AUTS2: variants seen among roughly 807,000 people sequenced by gnomAD.
AUTS2 encodes the protein activator of transcription and developmental regulator AUTS2, also known as autism susceptibility gene 2 protein.
In AUTS2, 17 loss-of-function variants were observed where a neutral mutation model predicts 112.4. The ratio of observed to expected loss-of-function variants is 0.15; its 90% CI spans 0.10 to 0.23. The LOEUF (loss-of-function observed/expected upper bound fraction) is 0.23, where lower values mean the gene tolerates loss of function less well. Among genes scored for constraint, AUTS2 ranks in the 10% least tolerant of loss-of-function variants. The pLI is 1.00. For missense variants in AUTS2, 1,510 were observed against 1,701.6 expected (o/e 0.89, Z 1.98); for synonymous variants, 751 against 702.7 (o/e 1.07, Z -1.09).
rs966854085 is a variant in AUTS2, at chr7:69,916,989, A to G, written c.522+17491A>G. The stretch of plus-strand genomic sequence containing the variant: ...TTATAGGTTAATTTCAACTTTCTTT[A>G]TATGGTATAGAAGCCCACACATTTT... On this transcript the variant is annotated intron_variant, in intron 2 of 18. Coordinates refer to ENST00000342771, the MANE Select transcript of AUTS2 (RefSeq NM_015570.4). Among the ~76,000 whole-genome samples, 7 of 152,122 alleles carry G rather than the reference A, an allele frequency of 4.6e-5. No homozygotes were observed. The East Asian group carries it at 9.6e-4, about 21-fold the overall frequency.
intron 4 of AUTS2, among the ~76,000 whole-genome samples, chr7:70,244,848 G>A (rs1274712651): frequency 7.2e-5 from 11 of 151,988 alleles, no homozygotes; most frequent in Admixed American, 6.6e-4. Flanking sequence ...GGCCGGGTGC[G>A]GCGGTTCACA....
intron 2 of AUTS2, among the ~76,000 whole-genome samples, chr7:70,111,747 G>A (rs975817877): frequency 6.6e-6 from 1 of 151,962 alleles, no homozygotes; most frequent in Non-Finnish European, 1.5e-5. Context: ...TTCATGTTCT[G>A]GAACAAATGT....
intron 4 of AUTS2, among the ~76,000 whole-genome samples, chr7:70,225,607 G>C (rs1190025014): frequency 6.6e-6 from 1 of 152,114 alleles, no homozygotes; most frequent in Non-Finnish European, 1.5e-5. Context: ...TTTAATCTCT[G>C]TACAGGGGTT....
intron 1 of AUTS2, among the ~76,000 whole-genome samples, chr7:69,708,434 A>C (rs1798162911): frequency 1.3e-5 from 2 of 152,184 alleles, no homozygotes; most frequent in African/African-American, 2.4e-5. Flanking sequence ...TTAGCAACCA[A>C]ACATCATTTC....
At chr7:70,503,561 C>G (rs1798849768) in intron 5 of AUTS2, among the ~76,000 whole-genome samples, 1 of 144,776 alleles carries the variant, frequency 6.9e-6, no homozygotes, top group African/African-American at 2.6e-5. Flanking sequence ...CTCTGTTGTC[C>G]AGGCTGGAGT....
At chr7:70,737,120 C>T (rs1032518956) in intron 6 of AUTS2, among the ~76,000 whole-genome samples, 4 of 152,114 alleles carry the variant, frequency 2.6e-5, no homozygotes, top group African/African-American at 9.7e-5. Flanking sequence ...TGGTGGAGAC[C>T]CTGATAAGCA....
chr7:70,221,671 G>A (rs1811494405), intron 4 of AUTS2, among the ~76,000 whole-genome samples: 1 of 152,248 alleles, frequency 6.6e-6, no homozygotes, highest in African/African-American at 2.4e-5. Flanking sequence ...CAGATCACCT[G>A]AGGTCAGGAG....
At chr7:69,816,498 G>A (rs1325317091) in intron 1 of AUTS2, among the ~76,000 whole-genome samples, 1 of 152,096 alleles carries the variant, frequency 6.6e-6, no homozygotes, top group Non-Finnish European at 1.5e-5. Flanking sequence ...TAAGCTCTTC[G>A]GCCCCGTGCA....
At chr7:70,054,925 T>C (rs1231967176) in intron 2 of AUTS2, among the ~76,000 whole-genome samples, 2 of 152,116 alleles carry the variant, frequency 1.3e-5, no homozygotes, top group Non-Finnish European at 2.9e-5. Flanking sequence ...TCCTCCTCCT[T>C]ATCTCTTCCC....
At chr7:70,633,203 C>T (rs1023385395) in intron 5 of AUTS2, among the ~76,000 whole-genome samples, 1 of 152,084 alleles carries the variant, frequency 6.6e-6, no homozygotes, top group Non-Finnish European at 1.5e-5. Flanking sequence ...GAGCGAGGGT[C>T]CCCCCACCTC....
intron 6 of AUTS2, among the ~76,000 whole-genome samples, chr7:70,712,193 CTTTTTTTTTTTTTTTTTTTTT>C (rs67326941): frequency 1.8e-4 from 8 of 45,182 alleles, no homozygotes; most frequent in East Asian, 8.2e-4. Context: ...GCCTGGCTCA[CTTTTTTTTTTTTTTTTTTTTT>C]TTTTTTTTTT....
intron 4 of AUTS2, among the ~76,000 whole-genome samples, chr7:70,429,604 G>T (rs1456037941): frequency 1.3e-5 from 2 of 152,214 alleles, no homozygotes; most frequent in African/African-American, 4.8e-5. Flanking sequence ...ACCAGGGCCG[G>T]ACCACAAGCT....
chr7:70,351,501 T>A (rs1585046862), intron 4 of AUTS2, among the ~76,000 whole-genome samples: 1 of 152,200 alleles, frequency 6.6e-6, no homozygotes, highest in East Asian at 1.9e-4. Flanking sequence ...AACATGGGGG[T>A]GCAGGTATCT....
At chr7:70,456,253 C>G (rs1214902537) in intron 5 of AUTS2, among the ~76,000 whole-genome samples, 1 of 152,194 alleles carries the variant, frequency 6.6e-6, no homozygotes, top group Non-Finnish European at 1.5e-5. Context: ...ATTGTTACTG[C>G]AATTAACAAT....
intron 5 of AUTS2, among the ~76,000 whole-genome samples, chr7:70,618,635 G>A (rs889964936): frequency 3.5e-4 from 53 of 152,294 alleles, no homozygotes; most frequent in African/African-American, 1.3e-3. Context: ...GCAAAGCAGT[G>A]CCGTGGGTTA....
intron 4 of AUTS2, among the ~76,000 whole-genome samples, chr7:70,286,947 G>A (rs1029614458): frequency 3.9e-5 from 6 of 152,128 alleles, no homozygotes; most frequent in African/African-American, 1.4e-4. Context: ...CTAAGGCAAC[G>A]TATTAGAAAC....
intron 6 of AUTS2, among the ~76,000 whole-genome samples, chr7:70,753,945 A>G (rs1192173085): frequency 2.0e-5 from 3 of 150,854 alleles, no homozygotes; most frequent in Non-Finnish European, 3.0e-5. Flanking sequence ...TCACGAGGTC[A>G]GGAGATCGAG....
In AUTS2 at chr7:69,688,860, C is replaced by T. The variant is rs748086899; in HGVS notation, c.309+88898C>T. Among the ~76,000 whole-genome samples the T allele has an allele frequency of 4.6e-5, 7 of 152,202 alleles. 1 individual carries two copies. The highest frequency in any genetic ancestry group is 3.3e-4 in the Admixed American group (5 of 15,300). ...AATTTTTATGATGTGTCCATATCAA[C>T]AATACATATTTTATATTTGTTCACT... On this transcript the variant is annotated intron_variant, in intron 1 of 18. Transcript: ENST00000342771.
intron 7 of AUTS2, among the ~76,000 whole-genome samples, chr7:70,763,548 G>A (rs1789712850): frequency 6.6e-6 from 1 of 151,720 alleles, no homozygotes; most frequent in South Asian, 2.1e-4. Context: ...GGGTGGTGAG[G>A]ACATTGTAAA....
Sources: allele counts gnomAD v4.1 joint callset (sites outside exome capture counted in the v4.1 genomes callset), GRCh38; gene constraint gnomAD v4.1.1; transcripts MANE v1.5; gene names NCBI Gene and HGNC (gene_info 2026-07-23, HGNC 2026-07-21).